Variants in PDE4D observed in about 807,000 individuals in gnomAD.
The protein encoded by PDE4D is 3',5'-cyclic-AMP phosphodiesterase 4D.
PDE4D carries 24 observed loss-of-function variants against 87.4 expected under a neutral mutation model. That is an observed-to-expected ratio of 0.27 (90% CI 0.20 to 0.39). PDE4D has a LOEUF of 0.39. PDE4D is among the 10% of genes least tolerant of loss of function. PDE4D has a pLI of 1.00. For missense variants in PDE4D, 714 were observed against 1,041.0 expected, an observed-to-expected ratio of 0.69 and a Z score of 4.32; for synonymous variants, 384 against 383.2, an observed-to-expected ratio of 1.00 and a Z score of -0.02.
At chr5:60,110,539 A>G (rs1224485403) in intron 2 of PDE4D, among the ~76,000 whole-genome samples, 1 of 152,144 alleles carries the variant, frequency 6.6e-6, no homozygotes, top group Non-Finnish European at 1.5e-5. Context: ...GGCAACTTTT[A>G]TACATTGTTG....
intron 1 of PDE4D, among the ~76,000 whole-genome samples, chr5:59,608,585 T>A (rs1262939045): frequency 6.6e-6 from 1 of 151,994 alleles, no homozygotes; most frequent in South Asian, 2.1e-4. Context: ...TTGAGAGAAG[T>A]TTTAAATTGC....
chr5:59,726,310 G>A (rs1580705559), intron 1 of PDE4D, among the ~76,000 whole-genome samples: 1 of 152,046 alleles, frequency 6.6e-6, no homozygotes, highest in East Asian at 1.9e-4. Flanking sequence ...AAGCCTACAA[G>A]ATACTCATTG....
chr5:59,615,641 A>G (rs1829566559), intron 1 of PDE4D, among the ~76,000 whole-genome samples: 1 of 152,180 alleles, frequency 6.6e-6, no homozygotes. Context: ...TGTCTTCTTC[A>G]ATTGTGAGGA....
intron 6 of PDE4D, among the ~76,000 whole-genome samples, chr5:59,022,417 G>A (rs1755363951): frequency 6.6e-6 from 1 of 151,920 alleles, no homozygotes; most frequent in South Asian, 2.1e-4. Context: ...ACCCTATTCA[G>A]AAGTGAAACT....
rs1235856088 is a variant in PDE4D at position 59,244,668 on chromosome 5, ATGTGTGTGTGTC to A, written c.456-28712_456-28701del. 8.1e-3 allele frequency among the ~76,000 whole-genome samples: 864 copies of A among 107,012 alleles called. 8 individuals are homozygous for A. Among genetic ancestry groups the A allele is most frequent in the East Asian group, 0.011 (38 of 3,408 alleles). 70.2% of individuals were successfully genotyped at this position (107,012 alleles called of 152,430 possible). On this transcript the variant is annotated intron_variant, in intron 1 of 14. Transcript: ENST00000340635. ...TATATATGTATAGATATATGTATGTATGTGTGTGTGTCTGTGTGTGTGTGTGTGTGTGTGTGT... is the reference window on the plus strand; with the variant it reads ...TATATATGTATAGATATATGTATGTATGTGTGTGTGTGTGTGTGTGTGTGT...
rs541522751 is a variant in PDE4D, at chr5:59,989,087, C to CATATATATATAT, written c.43-382_43-371dup. ...TATATACATTGACATATGCATGTGT[C>CATATATATATAT]ATATATATATATATATATATATATA... On this transcript the variant is annotated intron_variant, in intron 2 of 16. Transcript: ENST00000502484. 5.2e-3 allele frequency among the ~76,000 whole-genome samples: 520 copies of CATATATATATAT among 99,870 alleles called. 2 individuals are homozygous for CATATATATATAT. The highest frequency in any genetic ancestry group is 7.9e-3 in the African/African-American group (225 of 28,600). 65.5% of individuals were successfully genotyped at this position (99,870 alleles called of 152,430 possible).
At chr5:59,670,168 T>C (rs1325721302) in intron 1 of PDE4D, among the ~76,000 whole-genome samples, 1 of 152,184 alleles carries the variant, frequency 6.6e-6, no homozygotes, top group Non-Finnish European at 1.5e-5. Flanking sequence ...ATGGAAATAA[T>C]AATAATATAT....
intron 1 of PDE4D, among the ~76,000 whole-genome samples, chr5:60,274,395 C>G (rs773785206): frequency 1.3e-5 from 2 of 151,882 alleles, no homozygotes; most frequent in Non-Finnish European, 2.9e-5. Flanking sequence ...GCTCTGCTAC[C>G]CAGGCTGGAG....
intron 1 of PDE4D, among the ~76,000 whole-genome samples, chr5:60,227,122 C>T (rs143610909): frequency 8.9e-4 from 135 of 151,148 alleles, no homozygotes; most frequent in African/African-American, 3.2e-3. Flanking sequence ...TTATACCTAA[C>T]TTCTTGAATA....
rs140289214 is a variant in PDE4D at position 60,511,185 on chromosome 5, G to A, written n.70+10866C>T. Among the ~76,000 whole-genome samples, 987 of 152,154 alleles carry A rather than the reference G, an allele frequency of 6.5e-3. 4 individuals carry two copies. The highest frequency in any genetic ancestry group is 0.034 in the South Asian group (165 of 4,816). On this transcript the variant is annotated intron_variant and non_coding_transcript_variant, in intron 1 of 2. Transcript: ENST00000506510. Reference sequence around the variant, plus strand: ...ATGCTTTGCTATGTTGACCACACTGGTCTCGAACTCCTGACCTCAAGTGAT... The same window carrying A: ...ATGCTTTGCTATGTTGACCACACTGATCTCGAACTCCTGACCTCAAGTGAT...
chr5:60,294,704 C>T (rs1463105117), intron 1 of PDE4D, among the ~76,000 whole-genome samples: 1 of 151,638 alleles, frequency 6.6e-6, no homozygotes, highest in African/African-American at 2.4e-5. Flanking sequence ...TCTTTTATTT[C>T]CTTCATTTAT....
At chr5:59,587,154 G>A (rs925783642) in intron 1 of PDE4D, 2 of 273,286 alleles carry the variant, frequency 7.3e-6, no homozygotes, top group Admixed American at 6.5e-5. Context: ...TAATAAGGCT[G>A]GCTGTTCTCT....
intron 1 of PDE4D, among the ~76,000 whole-genome samples, chr5:60,502,294 T>A (rs1430062705): frequency 2.6e-5 from 4 of 152,242 alleles, no homozygotes; most frequent in Non-Finnish European, 5.9e-5. Context: ...CTCAGATTTG[T>A]CAAAGATCAG....
At chr5:60,201,314 T>TAC (rs138219296) in intron 1 of PDE4D, among the ~76,000 whole-genome samples, 7 of 150,208 alleles carry the variant, frequency 4.7e-5, no homozygotes, top group Non-Finnish European at 7.4e-5. Flanking sequence ...ATATAATTGC[T>TAC]ACACACACAC....
chr5:59,762,146 ATG>A (rs563319897), intron 1 of PDE4D, among the ~76,000 whole-genome samples: 8 of 150,730 alleles, frequency 5.3e-5, no homozygotes, highest in African/African-American at 1.2e-4. Context: ...AGATATATAT[ATG>A]TGTGTGTGTG....
intron 1 of PDE4D, among the ~76,000 whole-genome samples, chr5:60,256,595 T>C (rs1208232829): frequency 1.3e-5 from 2 of 151,888 alleles, no homozygotes; most frequent in African/African-American, 4.8e-5. Flanking sequence ...AAAAAATTTC[T>C]AGTCAACACA....
intron 1 of PDE4D, among the ~76,000 whole-genome samples, chr5:60,467,495 A>G (rs569987335): frequency 8.5e-5 from 13 of 152,308 alleles, no homozygotes; most frequent in African/African-American, 2.4e-4. Context: ...TTCACAGCCT[A>G]TGGTCAACCA....
intron 2 of PDE4D, among the ~76,000 whole-genome samples, chr5:59,200,230 CATATGTGTATGT>C (rs1322861686): frequency 3.2e-4 from 46 of 142,060 alleles, no homozygotes; most frequent in African/African-American, 1.2e-3. Flanking sequence ...TGTATACATA[CATATGTGTATGT>C]ACAGCTACAC....
intron 3 of PDE4D, among the ~76,000 whole-genome samples, chr5:59,188,612 T>A (rs1743465286): frequency 6.6e-6 from 1 of 152,176 alleles, no homozygotes. Context: ...ATACACTTGT[T>A]ACCACTAGAT....
Sources: allele counts gnomAD v4.1 joint callset (sites outside exome capture counted in the v4.1 genomes callset), GRCh38; gene constraint gnomAD v4.1.1; transcripts MANE v1.5; gene names NCBI Gene and HGNC (gene_info 2026-07-23, HGNC 2026-07-21).